FNBP1L: variants seen among roughly 807,000 people sequenced by gnomAD.
FNBP1L encodes formin-binding protein 1-like.
FNBP1L carries 36 observed loss-of-function variants against 91.2 expected under a neutral mutation model. That is an observed-to-expected ratio of 0.39 (90% CI 0.30 to 0.52). The LOEUF (loss-of-function observed/expected upper bound fraction) is 0.52, where lower values mean the gene tolerates loss of function less well. Among genes scored for constraint, FNBP1L ranks in the 20% least tolerant of loss-of-function variants. FNBP1L has a pLI of 0.66. For synonymous variants in FNBP1L, 242 were observed against 237.0 expected (o/e 1.02, Z -0.19); for missense variants, 571 against 732.1 (o/e 0.78, Z 2.54).
intron 2 of FNBP1L, among the ~76,000 whole-genome samples, chr1:93,517,206 G>C (rs1671156706): frequency 6.6e-6 from 1 of 151,974 alleles, no homozygotes. Context: ...ACCATGCCTG[G>C]CTAATTTTTT....
chr1:93,515,831 G>C (rs184178766), intron 2 of FNBP1L, among the ~76,000 whole-genome samples: 65 of 152,088 alleles, frequency 4.3e-4, no homozygotes, highest in Admixed American at 4.3e-3. Context: ...GAGTTAGTGA[G>C]TGCAGCCCAC....
intron 2 of FNBP1L, among the ~76,000 whole-genome samples, chr1:93,504,407 G>A (rs551729367): frequency 2.9e-4 from 44 of 152,172 alleles, no homozygotes; most frequent in African/African-American, 1.1e-3. Context: ...TTCACCTCCC[G>A]CCATGAGTCT....
chr1:93,509,956 G>A (rs1431855580), intron 2 of FNBP1L, among the ~76,000 whole-genome samples: 1 of 152,224 alleles, frequency 6.6e-6, no homozygotes, highest in South Asian at 2.1e-4. Flanking sequence ...GGCTCGGAGG[G>A]TCCTACGCCC....
chr1:93,467,797 A>T (rs996908272), intron 1 of FNBP1L, among the ~76,000 whole-genome samples: 1 of 152,062 alleles, frequency 6.6e-6, no homozygotes. Flanking sequence ...TAAAAAAGGT[A>T]GGCTTGGCGG....
chr1:93,461,497 G>C (rs1192797198), intron 1 of FNBP1L, among the ~76,000 whole-genome samples: 1 of 152,050 alleles, frequency 6.6e-6, no homozygotes, highest in African/African-American at 2.4e-5. Context: ...ACTTTCCTTT[G>C]TAGTTATAAG....
intron 1 of FNBP1L, among the ~76,000 whole-genome samples, chr1:93,473,627 A>G (rs186650280): frequency 2.0e-4 from 31 of 152,300 alleles, no homozygotes; most frequent in African/African-American, 7.0e-4. Flanking sequence ...AGAAATTGCT[A>G]CACTGGATAG....
chr1:93,500,569 G>A (rs1313691734), intron 2 of FNBP1L, among the ~76,000 whole-genome samples: 1 of 149,390 alleles, frequency 6.7e-6, no homozygotes, highest in Non-Finnish European at 1.5e-5. Flanking sequence ...CTAGCAGAGG[G>A]TCTCCTTTAG....
At chr1:93,449,395 G>A (rs1370854303) in intron 1 of FNBP1L, among the ~76,000 whole-genome samples, 1 of 152,158 alleles carries the variant, frequency 6.6e-6, no homozygotes. Flanking sequence ...CCTGTTTTCC[G>A]TGCCTTTTGT....
chr1:93,449,256 T>C (rs967343984), intron 1 of FNBP1L, among the ~76,000 whole-genome samples: 1 of 151,550 alleles, frequency 6.6e-6, no homozygotes, highest in Admixed American at 6.6e-5. Context: ...GGTCGAGGTG[T>C]GGAGGGCAGT....
chr1:93,474,804 T>C (rs1243639786), intron 1 of FNBP1L, among the ~76,000 whole-genome samples: 1 of 152,184 alleles, frequency 6.6e-6, no homozygotes, highest in African/African-American at 2.4e-5. Context: ...TGTTTTTAAG[T>C]TACCTTACTA....
intron 2 of FNBP1L, among the ~76,000 whole-genome samples, chr1:93,505,566 A>C (rs1670581735): frequency 6.6e-6 from 1 of 152,210 alleles, no homozygotes; most frequent in African/African-American, 2.4e-5. Flanking sequence ...GCTTGCTTGG[A>C]CCAGTATAAG....
intron 1 of FNBP1L, among the ~76,000 whole-genome samples, chr1:93,498,889 A>G (rs1670354534): frequency 6.6e-6 from 1 of 152,226 alleles, no homozygotes; most frequent in Non-Finnish European, 1.5e-5. Context: ...GAGCCTTGTT[A>G]GCTTGCCCAG....
chr1:93,516,892 C>T (rs879370702), intron 2 of FNBP1L, among the ~76,000 whole-genome samples: 5 of 152,168 alleles, frequency 3.3e-5, no homozygotes, highest in Admixed American at 6.5e-5. Flanking sequence ...ATAACCACAC[C>T]GTTAAATCAC....
chr1:93,515,037 T>G (rs1388515409), intron 2 of FNBP1L, among the ~76,000 whole-genome samples: 1 of 152,122 alleles, frequency 6.6e-6, no homozygotes, highest in Non-Finnish European at 1.5e-5. Flanking sequence ...AGGGCTAATA[T>G]GCAGAATCTA....
chr1:93,491,945 G>C (rs1557789392), intron 1 of FNBP1L, among the ~76,000 whole-genome samples: 1 of 152,018 alleles, frequency 6.6e-6, no homozygotes, highest in Non-Finnish European at 1.5e-5. Context: ...TTTATAATTT[G>C]TAACTTATCA....
chr1:93,469,671 C>T (rs1669216002), intron 1 of FNBP1L, among the ~76,000 whole-genome samples: 1 of 152,026 alleles, frequency 6.6e-6, no homozygotes, highest in African/African-American at 2.4e-5. Flanking sequence ...TAAATAAAAA[C>T]TAATATTGAT....
intron 1 of FNBP1L, among the ~76,000 whole-genome samples, chr1:93,483,602 A>T (rs1319766246): frequency 6.6e-6 from 1 of 152,206 alleles, no homozygotes; most frequent in Non-Finnish European, 1.5e-5. Context: ...AAAATGAACC[A>T]TAAGAGTTCT....
intron 5 of FNBP1L, among the ~76,000 whole-genome samples, chr1:93,527,711 G>A (rs961885626): frequency 5.9e-5 from 9 of 151,888 alleles, no homozygotes; most frequent in African/African-American, 1.9e-4. Context: ...AGCTTTCAAT[G>A]GCTTTTTAAA....
At chr1:93,516,325 G>T (rs779194789) in intron 2 of FNBP1L, among the ~76,000 whole-genome samples, 1 of 152,254 alleles carries the variant, frequency 6.6e-6, no homozygotes, top group African/African-American at 2.4e-5. Flanking sequence ...GCAGTCAAAT[G>T]CTCTACCACC....
Sources: gnomAD v4.1 joint callset for allele counts (sites outside exome capture counted in the v4.1 genomes callset) on GRCh38, gnomAD v4.1.1 for gene constraint, MANE v1.5 for transcripts, NCBI Gene and HGNC (gene_info 2026-07-23, HGNC 2026-07-21) for gene names.